The following PCBP3 variants were observed in gnomAD, a reference collection of about 807,000 sequenced individuals.
PCBP3 encodes the protein poly(rC)-binding protein 3.
A neutral mutation model predicts 52.7 loss-of-function variants in PCBP3; 25 were observed. The ratio of observed to expected loss-of-function variants is 0.47; its 90% CI spans 0.35 to 0.66. PCBP3 has a LOEUF of 0.66. Ranked by LOEUF, PCBP3 falls within the 30% of genes least tolerant of loss-of-function variation. PCBP3 has a pLI of 0.01. For synonymous variants in PCBP3, 162 were observed against 183.0 expected (o/e 0.89, Z 0.93); for missense variants, 391 against 490.3 (o/e 0.80, Z 1.91).
At chr21:45,809,179 A>G (rs2092605456) in intron 4 of PCBP3, among the ~76,000 whole-genome samples, 1 of 152,222 alleles carries the variant, frequency 6.6e-6, no homozygotes, top group Non-Finnish European at 1.5e-5. Flanking sequence ...CCCAGAACTT[A>G]AAGTATAAAA....
intron 2 of PCBP3, among the ~76,000 whole-genome samples, chr21:45,690,959 A>G (rs1473508479): frequency 6.6e-6 from 1 of 152,172 alleles, no homozygotes; most frequent in African/African-American, 2.4e-5. Context: ...ACAGATCCTT[A>G]TAAAGCTAAA....
At chr21:45,685,464 C>G (rs1002294205) in intron 2 of PCBP3, among the ~76,000 whole-genome samples, 1 of 152,128 alleles carries the variant, frequency 6.6e-6, no homozygotes, top group African/African-American at 2.4e-5. Flanking sequence ...GGAAGGAGAC[C>G]TTTGCCTCTG....
rs1310474935 is a variant in PCBP3, at chr21:45,829,240, C to T, written c.-125-20721C>T. ...CACGTGGTGGGGGCCTTCAGATTCT[C>T]TGAGATTCAAAGCTCTTTGGAGAGA... On this transcript the variant is annotated intron_variant, in intron 4 of 17. Coordinates refer to ENST00000681687, the MANE Select transcript of PCBP3 (RefSeq NM_001384156.1). This position sits in a 1 kb window ranked among gnomAD's most constrained non-coding sequence, Gnocchi z 5.2. 2 of 150,720 alleles carry T rather than the reference C, an allele frequency of 1.3e-5. No individual in the cohort carries two copies. The highest frequency in any genetic ancestry group is 3.0e-5 in the Non-Finnish European group (2 of 66,872). The allele number at this position is 150,720 out of a possible 1,614,324, so 9.3% of individuals were successfully genotyped here.
rs531121638 is a variant in PCBP3 at position 45,844,125 on chromosome 21, G to T, written c.-125-5836G>T. On this transcript the variant is annotated intron_variant, in intron 4 of 17. Transcript: ENST00000681687. ...TTTCTACCCAAAATTGCAGGCCCCA[G>T]CTCCAGCAGTCTGGTTGCGGACAAG... 6.6e-5 allele frequency among the ~76,000 whole-genome samples: 10 copies of T among 152,078 alleles called. No individual in the cohort carries two copies. The South Asian group carries it at 2.1e-3, about 32-fold the overall frequency.
At chr21:45,696,081 A>G (rs2082754017) in intron 2 of PCBP3, among the ~76,000 whole-genome samples, 1 of 86,164 alleles carries the variant, frequency 1.2e-5, no homozygotes, top group Admixed American at 1.0e-4. Flanking sequence ...CTCTGTCTCA[A>G]AAAAAAAAAA....
At chr21:45,690,777 CATT>C in intron 2 of PCBP3, among the ~76,000 whole-genome samples, 1 of 152,158 alleles carries the variant, frequency 6.6e-6, no homozygotes, top group African/African-American at 2.4e-5. Context: ...TAATATCTAT[CATT>C]AGTCTTTAGG....
At position 45,917,692 on chromosome 21, in the gene PCBP3, G is replaced by T. The variant is rs747057290; in HGVS notation, c.717+63G>T. 1.6e-6 allele frequency: 2 copies of T among 1,259,704 alleles called. No homozygotes were observed. Among genetic ancestry groups the T allele is most frequent in the Non-Finnish European group, 2.3e-6 (2 of 856,824 alleles). The allele number at this position is 1,259,704 out of a possible 1,614,324, so 78.0% of individuals were successfully genotyped here. ...CTCATGGTTGTTTACCTACCTGCATGCTGCTGTTAATTGCTACTAACATTA... is the reference window on the plus strand; with the variant it reads ...CTCATGGTTGTTTACCTACCTGCATTCTGCTGTTAATTGCTACTAACATTA... On this transcript the variant is annotated intron_variant, in intron 13 of 17. Coordinates refer to ENST00000681687, the MANE Select transcript of PCBP3 (RefSeq NM_001384156.1). The surrounding 1 kb of genome is among the most constrained non-coding windows in gnomAD (Gnocchi z 5.3).
intron 4 of PCBP3, among the ~76,000 whole-genome samples, chr21:45,801,397 G>A (rs2146744723): frequency 6.6e-6 from 1 of 152,360 alleles, no homozygotes; most frequent in Non-Finnish European, 1.5e-5. Flanking sequence ...AGGGCCCCTG[G>A]GTGCACAAGG....
chr21:45,644,632 G>A (rs981070428), intron 1 of PCBP3, among the ~76,000 whole-genome samples: 3 of 152,132 alleles, frequency 2.0e-5, no homozygotes, highest in Admixed American at 2.0e-4. Flanking sequence ...CTCGGGGTTG[G>A]TTATCTTCCA....
chr21:45,913,926 C>G (rs1471939434), intron 11 of PCBP3, 25 bp from the exon 12 acceptor site: 5 of 1,597,830 alleles, frequency 3.1e-6, no homozygotes, highest in Middle Eastern at 3.3e-4. Flanking sequence ...AACGCTCTCT[C>G]TCCCTCTCCT....
rs139480529 is a variant in PCBP3, at chr21:45,806,242, G to A, written c.-125-43719G>A. On this transcript the variant is annotated intron_variant, in intron 4 of 17. Transcript: ENST00000681687. ...GTACTCCCGTGCTGGATGGAACGGC[G>A]GCCTTTCCGCCCTTTGGCCAAGTGC... 1.1e-4 allele frequency among the ~76,000 whole-genome samples: 16 copies of A among 152,298 alleles called. No individual in the cohort carries two copies. In the East Asian group the frequency reaches 1.9e-3, roughly 18 times the overall value.
intron 2 of PCBP3, among the ~76,000 whole-genome samples, chr21:45,702,619 C>T (rs1399255814): frequency 6.6e-6 from 1 of 152,202 alleles, no homozygotes; most frequent in Non-Finnish European, 1.5e-5. Context: ...TCATCTGAGC[C>T]TTCAGTGAGT....
chr21:45,788,442 C>CA lies in PCBP3; in HGVS notation c.-126+32991dup, dbSNP rs1330506803. ...CCCCGTTCTGTTCCAGATGATGGCT[C>CA]ACCTGTGACCCTGCCTGCCCTGCCC... is the stretch of plus-strand genomic sequence containing the variant. On this transcript the variant is annotated intron_variant, in intron 4 of 17. Transcript: ENST00000681687. This position sits in a 1 kb window ranked among gnomAD's most constrained non-coding sequence, Gnocchi z 4.3. The CA allele has an allele frequency of 1.3e-5, 2 of 153,928 alleles. No homozygotes were observed. Among genetic ancestry groups the CA allele is most frequent in the East Asian group, 3.8e-4 (2 of 5,232 alleles). The allele number at this position is 153,928 out of a possible 1,614,324, so 9.5% of individuals were successfully genotyped here. A position where few individuals can be genotyped will look rare whatever the true frequency, so the allele number is the denominator to read the frequency against.
intron 2 of PCBP3, among the ~76,000 whole-genome samples, chr21:45,671,394 A>C (rs2081166226): frequency 6.6e-6 from 1 of 152,214 alleles, no homozygotes; most frequent in South Asian, 2.1e-4. Flanking sequence ...ACTGACACAC[A>C]GGTTGTCTGC....
chr21:45,919,936 T>A (rs2074195246), intron 13 of PCBP3, among the ~76,000 whole-genome samples: 1 of 152,064 alleles, frequency 6.6e-6, no homozygotes, highest in Non-Finnish European at 1.5e-5. Flanking sequence ...AAGATGAAGA[T>A]GGAAGCCAGG....
rs188232295 is a variant in PCBP3, at chr21:45,837,228, C to T, written c.-125-12733C>T. 5.0e-4 allele frequency among the ~76,000 whole-genome samples: 76 copies of T among 152,352 alleles called. No individual in the cohort carries two copies. Among genetic ancestry groups the T allele is most frequent in the Admixed American group, 7.2e-4 (11 of 15,310 alleles). ...TTGCCAATGCAGTGAATGTAAATAA[C>T]GTTTCACTGTGGTCTGTATCTCCCG... is the stretch of plus-strand genomic sequence containing the variant. On this transcript the variant is annotated intron_variant, in intron 4 of 17. Transcript: ENST00000681687. The surrounding 1 kb of genome is among the most constrained non-coding windows in gnomAD (Gnocchi z 4.1).
intron 5 of PCBP3, among the ~76,000 whole-genome samples, chr21:45,877,122 G>A (rs1049619363): frequency 3.9e-5 from 6 of 152,244 alleles, no homozygotes; most frequent in Admixed American, 6.5e-5. Context: ...TTTCAAACGT[G>A]GGTCTCTTCC....
At chr21:45,851,655 C>T (rs1164102842) in intron 5 of PCBP3, among the ~76,000 whole-genome samples, 1 of 152,006 alleles carries the variant, frequency 6.6e-6, no homozygotes, top group African/African-American at 2.4e-5. Context: ...AAAGAAATAA[C>T]CATAGATACA....
chr21:45,892,446 C>T (rs890543572), intron 5 of PCBP3, among the ~76,000 whole-genome samples: 3 of 135,852 alleles, frequency 2.2e-5, no homozygotes, highest in East Asian at 2.2e-4. Flanking sequence ...ACGTGAGGGG[C>T]GCAGTCCCGT....
Sources: allele counts gnomAD v4.1 joint callset (sites outside exome capture counted in the v4.1 genomes callset), GRCh38; gene constraint gnomAD v4.1.1; non-coding constraint Gnocchi (gnomAD v3.1); transcripts MANE v1.5; gene names NCBI Gene and HGNC (gene_info 2026-07-23, HGNC 2026-07-21).